ERCC1: variants seen among roughly 807,000 people sequenced by gnomAD.
ERCC1 encodes the protein DNA excision repair protein ERCC-1.
A neutral mutation model predicts 37.6 loss-of-function variants in ERCC1; 36 were observed. The ratio of observed to expected loss-of-function variants is 0.96; its 90% confidence interval spans 0.73 to 1.26. The LOEUF (loss-of-function observed/expected upper bound fraction) is 1.26, where lower values mean the gene tolerates loss of function less well. Ranked by LOEUF, ERCC1 falls within the 50% of genes most tolerant of loss-of-function variation. ERCC1 has a pLI of 0.00. For missense variants in ERCC1, 349 were observed against 376.5 expected, an observed-to-expected ratio of 0.93 and a Z score of 0.60; for synonymous variants, 156 against 162.1, an observed-to-expected ratio of 0.96 and a Z score of 0.28.
chr19:45,422,034 C>T (rs1974468052), intron 2 of ERCC1, among the ~76,000 whole-genome samples: 1 of 152,090 alleles, frequency 6.6e-6, no homozygotes, highest in East Asian at 1.9e-4. Context: ...CCCCACTCCT[C>T]AGCCTCCACT....
Position 45,423,341 on chromosome 19 carries a change from G to T in ERCC1, c.34C>A (p.Gln12Lys), listed in dbSNP as rs1381101048. The T allele has an allele frequency of 6.2e-7, 1 of 1,613,528 alleles. No individual in the cohort carries two copies. Among genetic ancestry groups the T allele is most frequent in the Admixed American group, 1.7e-5 (1 of 59,938 alleles). The change falls in exon 2 of 10, where the codon CAG becomes AAG. Residue 12 changes from glutamine to lysine, a missense_variant. Coordinates refer to ENST00000300853, the MANE Select transcript of ERCC1 (RefSeq NM_001983.4). ...DPGKDKEGVP[Q>K]PSGPPARKKF... ...TTCCTTGCTGGCGGCCCTGAGGGCT[G>T]GGGCACCCCCTCTTTGTCCTTCCCA...
At chr19:45,449,319 G>A (rs1967041465) in intron 1 of ERCC1, 1 of 152,120 alleles carries the variant, frequency 6.6e-6, no homozygotes, top group Non-Finnish European at 1.5e-5. Flanking sequence ...AGTGCACCGG[G>A]CTGCAGTAAG....
Position 45,445,332 on chromosome 19 carries a change from A to G in ERCC1, c.-7-21951T>C, listed in dbSNP as rs150861412. On this transcript the variant is annotated intron_variant, in intron 1 of 8. Coordinates refer to the ERCC1 transcript ENST00000423698. ...CACCTGCCCCAATCAACAGGTATTT[A>G]TTGAGCATCTACTATACGCCAGGCA... is the stretch of plus-strand genomic sequence containing the variant. Among the ~76,000 whole-genome samples the G allele has an allele frequency of 7.9e-4, 121 of 152,308 alleles. No individual in the cohort carries two copies. The Middle Eastern group carries it at 0.01, about 13-fold the overall frequency.
upstream of ERCC1, among the ~76,000 whole-genome samples, chr19:45,425,543 T>C (rs3212923): frequency 0.11 from 16,043 of 151,858 alleles, 2,828 homozygotes; most frequent in African/African-American, 0.37. Flanking sequence ...CTAACTTTTG[T>C]ATTTTTAGTA....
intron 1 of ERCC1, among the ~76,000 whole-genome samples, chr19:45,445,690 G>C (rs1966919303): frequency 6.6e-6 from 1 of 152,078 alleles, no homozygotes; most frequent in Non-Finnish European, 1.5e-5. Context: ...GTGTGTTGGA[G>C]GAACACGGAG....
chr19:45,424,922 CTTTT>C (rs986137310), upstream of ERCC1, among the ~76,000 whole-genome samples: 1 of 121,886 alleles, frequency 8.2e-6, no homozygotes, highest in Non-Finnish European at 1.7e-5. Context: ...TCTTTTTTTT[CTTTT>C]TTTTTTTTTT....
chr19:45,426,478 G>T (rs547053119), upstream of ERCC1, among the ~76,000 whole-genome samples: 117 of 150,992 alleles, frequency 7.7e-4, 1 homozygote, highest in African/African-American at 2.8e-3. Flanking sequence ...TTGAACCCTG[G>T]AGGCAAAGGT....
upstream of ERCC1, among the ~76,000 whole-genome samples, chr19:45,427,670 A>G (rs1426557821): frequency 6.6e-6 from 1 of 152,164 alleles, no homozygotes; most frequent in Non-Finnish European, 1.5e-5. Flanking sequence ...CCATACAGCG[A>G]TTCTAGAAGT....
intron 1 of ERCC1, among the ~76,000 whole-genome samples, chr19:45,437,056 C>G (rs1974998549): frequency 6.6e-6 from 1 of 152,076 alleles, no homozygotes; most frequent in African/African-American, 2.4e-5. Context: ...TCGAGACCAG[C>G]CTGACCAACA....
chr19:45,436,972 G>A (rs776864744), intron 1 of ERCC1, among the ~76,000 whole-genome samples: 3 of 152,082 alleles, frequency 2.0e-5, no homozygotes, highest in Non-Finnish European at 4.4e-5. Context: ...AATAAGGGCC[G>A]GGCATAGTGG....
At chr19:45,440,117 C>T (rs1975082552) in intron 1 of ERCC1, among the ~76,000 whole-genome samples, 1 of 151,612 alleles carries the variant, frequency 6.6e-6, no homozygotes, top group African/African-American at 2.4e-5. Context: ...CACTCGCCCC[C>T]GACTGCGACC....
At chr19:45,413,925 G>A in intron 8 of ERCC1, 38 bp downstream of exon 8, 1 of 1,599,014 alleles carries the variant, frequency 6.3e-7, no homozygotes, top group East Asian at 2.2e-5. Flanking sequence ...AAGGCAAGGG[G>A]ACAGAAATGC....
intron 2 of ERCC1, 67 bp from the exon 3 acceptor site, chr19:45,421,460 A>G: frequency 8.8e-7 from 1 of 1,131,936 alleles, no homozygotes. Flanking sequence ...AGGCCCTGTG[A>G]GTTCCTCTCC....
chr19:45,435,388 G>A (rs1488822587), intron 1 of ERCC1, among the ~76,000 whole-genome samples: 1 of 152,154 alleles, frequency 6.6e-6, no homozygotes, highest in African/African-American at 2.4e-5. Flanking sequence ...CCACATAGCA[G>A]GTAAACAAAC....
chr19:45,450,763 C>A (rs1220115177), intron 1 of ERCC1: 1 of 128,904 alleles, frequency 7.8e-6, no homozygotes, highest in East Asian at 2.3e-4. Context: ...GAAAGCGAGA[C>A]TCCGTCTCAA....
chr19:45,429,417 G>A (rs1468529986), intron 1 of ERCC1, among the ~76,000 whole-genome samples: 3 of 151,968 alleles, frequency 2.0e-5, no homozygotes, highest in East Asian at 1.9e-4. Context: ...CCAAGATCGC[G>A]CCACTGCACT....
At position 45,409,550 on chromosome 19, in the gene ERCC1, T is replaced by A. The variant is rs527715200; in HGVS notation, c.*125A>T. ...CTAAAGAAAGCTGAAGGTGCCCACC[T>A]GGGCCACCAGAAGGTGACACCCCCA... On this transcript the variant is annotated 3_prime_UTR_variant, in exon 10 of 10. Coordinates refer to ENST00000300853, the MANE Select transcript of ERCC1 (RefSeq NM_001983.4). 3 of 1,574,284 alleles carry A rather than the reference T, an allele frequency of 1.9e-6. No individual in the cohort carries two copies. Among genetic ancestry groups the A allele is most frequent in the African/African-American group, 2.7e-5 (2 of 73,926 alleles).
chr19:45,434,180 G>C (rs940003260), intron 1 of ERCC1, among the ~76,000 whole-genome samples: 7 of 139,206 alleles, frequency 5.0e-5, no homozygotes, highest in African/African-American at 1.9e-4. Flanking sequence ...AAAAAAAGAG[G>C]AAGAAGAAGA....
chr19:45,425,250 T>C (rs1209490005), upstream of ERCC1, among the ~76,000 whole-genome samples: 1 of 151,820 alleles, frequency 6.6e-6, no homozygotes, highest in Non-Finnish European at 1.5e-5. Context: ...CTATCATTTC[T>C]TTTATCTACG....
Sources: allele counts gnomAD v4.1 joint callset (sites outside exome capture counted in the v4.1 genomes callset), GRCh38; gene constraint gnomAD v4.1.1; transcripts MANE v1.5; gene names NCBI Gene and HGNC (gene_info 2026-07-23, HGNC 2026-07-21).